Variants in HS3ST5 observed in about 807,000 individuals in gnomAD.
HS3ST5 encodes heparan sulfate glucosamine 3-O-sulfotransferase 5.
Under a neutral mutation model 25.4 loss-of-function variants are expected in HS3ST5, and 10 were observed. The ratio of observed to expected loss-of-function variants is 0.39; its 90% CI spans 0.24 to 0.67. The LOEUF (loss-of-function observed/expected upper bound fraction) is 0.67, where lower values mean the gene tolerates loss of function less well. HS3ST5 is among the 30% of genes least tolerant of loss of function. The pLI, the probability that HS3ST5 is intolerant of heterozygous loss-of-function variation, is 0.44. For synonymous variants in HS3ST5, 170 were observed against 162.4 expected, an observed-to-expected ratio of 1.05 and a Z score of -0.36; for missense variants, 324 against 420.7, an observed-to-expected ratio of 0.77 and a Z score of 2.01.
At chr6:114,248,963 A>G (rs148908665) in intron 1 of HS3ST5, among the ~76,000 whole-genome samples, 1 of 152,306 alleles carries the variant, frequency 6.6e-6, no homozygotes, top group African/African-American at 2.4e-5. Context: ...TATACCAACT[A>G]TCTATCCCTA....
At chr6:114,195,439 T>C (rs1780690008) in intron 2 of HS3ST5, among the ~76,000 whole-genome samples, 2 of 151,000 alleles carry the variant, frequency 1.3e-5, no homozygotes, top group Admixed American at 1.3e-4. Flanking sequence ...CAATAAAGAG[T>C]GGTGAGGTCA....
chr6:114,309,665 G>A (rs1390140083), intron 1 of HS3ST5, among the ~76,000 whole-genome samples: 4 of 152,134 alleles, frequency 2.6e-5, no homozygotes, highest in Admixed American at 1.3e-4. Flanking sequence ...CCCAGAAGGC[G>A]GAGGTTGCAG....
chr6:114,180,284 A>T (rs1164570438), intron 2 of HS3ST5, among the ~76,000 whole-genome samples: 1 of 152,142 alleles, frequency 6.6e-6, no homozygotes, highest in Non-Finnish European at 1.5e-5. Context: ...ATATTGCTTC[A>T]ACACTCCTAT....
chr6:114,334,522 A>G (rs1355935243), intron 1 of HS3ST5, among the ~76,000 whole-genome samples: 1 of 152,130 alleles, frequency 6.6e-6, no homozygotes, highest in East Asian at 1.9e-4. Context: ...CACCACATAA[A>G]CAACAGTGGT....
chr6:114,067,233 T>G (rs1463917045), intron 3 of HS3ST5, among the ~76,000 whole-genome samples: 1 of 152,208 alleles, frequency 6.6e-6, no homozygotes, highest in African/African-American at 2.4e-5. Flanking sequence ...TGGGTAGGAA[T>G]GGGTCATGTC....
chr6:114,060,234 G>A (rs1014494594), intron 4 of HS3ST5, among the ~76,000 whole-genome samples: 3 of 151,956 alleles, frequency 2.0e-5, no homozygotes, highest in South Asian at 4.2e-4. Context: ...GGCTGGTCTT[G>A]AACTCCTGAT....
At chr6:114,128,851 C>G (rs892762167) in intron 3 of HS3ST5, among the ~76,000 whole-genome samples, 1 of 151,180 alleles carries the variant, frequency 6.6e-6, no homozygotes, top group Admixed American at 6.6e-5. Context: ...CTCTTTGAAC[C>G]CTTAGTTGTT....
intron 2 of HS3ST5, among the ~76,000 whole-genome samples, chr6:114,187,067 C>T (rs943801263): frequency 6.6e-6 from 1 of 152,142 alleles, no homozygotes; most frequent in African/African-American, 2.4e-5. Flanking sequence ...GATCACTGCT[C>T]ATTGATAATA....
intron 3 of HS3ST5, among the ~76,000 whole-genome samples, chr6:114,096,936 G>A (rs976914174): frequency 6.6e-6 from 1 of 151,990 alleles, no homozygotes; most frequent in Non-Finnish European, 1.5e-5. Flanking sequence ...TGTTAAAAAT[G>A]TATTTATGGT....
At chr6:114,274,652 G>T (rs1425801955) in intron 1 of HS3ST5, among the ~76,000 whole-genome samples, 1 of 152,058 alleles carries the variant, frequency 6.6e-6, no homozygotes, top group Admixed American at 6.6e-5. Context: ...GGAAAGACAA[G>T]TGGCAGTTAA....
chr6:114,141,902 G>A (rs1464366894), intron 3 of HS3ST5, among the ~76,000 whole-genome samples: 5 of 104,308 alleles, frequency 4.8e-5, no homozygotes, highest in Non-Finnish European at 6.5e-5. Context: ...GTGTGTGTGT[G>A]TGTATTTTGC....
chr6:114,227,619 T>G (rs976043084), intron 2 of HS3ST5, among the ~76,000 whole-genome samples: 3 of 152,074 alleles, frequency 2.0e-5, no homozygotes, highest in African/African-American at 7.2e-5. Flanking sequence ...ACATGATTTA[T>G]AAGTTCTTAT....
intron 1 of HS3ST5, among the ~76,000 whole-genome samples, chr6:114,299,165 G>A (rs1043317257): frequency 1.3e-5 from 2 of 152,108 alleles, no homozygotes; most frequent in African/African-American, 4.8e-5. Context: ...CCTCTAAAAT[G>A]GCCCCCTTGG....
At chr6:114,178,009 CT>C (rs1441187948) in intron 2 of HS3ST5, among the ~76,000 whole-genome samples, 82 of 152,244 alleles carry the variant, frequency 5.4e-4, no homozygotes, top group African/African-American at 1.9e-3. Flanking sequence ...ATTGTTTCTA[CT>C]GATTATTTAT....
chr6:114,126,448 T>A (rs1438316584), intron 3 of HS3ST5, among the ~76,000 whole-genome samples: 1 of 152,174 alleles, frequency 6.6e-6, no homozygotes, highest in Non-Finnish European at 1.5e-5. Flanking sequence ...TATACACATA[T>A]GCAGATTTGA....
chr6:114,079,739 G>A (rs965611497), intron 3 of HS3ST5, among the ~76,000 whole-genome samples: 4 of 152,080 alleles, frequency 2.6e-5, no homozygotes, highest in Non-Finnish European at 2.9e-5. Flanking sequence ...AATCACAATG[G>A]GAGCTATAGC....
At chr6:114,112,048 C>T (rs36013742) in intron 3 of HS3ST5, among the ~76,000 whole-genome samples, 38,239 of 152,058 alleles carry the variant, frequency 0.25, 4,924 homozygotes, top group African/African-American at 0.3. Flanking sequence ...AATTATCCCT[C>T]ATAAACACTG....
At chr6:114,325,720 A>T (rs1428256835) in intron 1 of HS3ST5, among the ~76,000 whole-genome samples, 5 of 152,172 alleles carry the variant, frequency 3.3e-5, no homozygotes, top group Admixed American at 6.5e-5. Context: ...GCAGGCATAC[A>T]TGATCCTGGC....
intron 3 of HS3ST5, chr6:114,084,833 C>CTTTT (rs372362974): frequency 7.2e-4 from 363 of 503,570 alleles, no homozygotes; most frequent in Non-Finnish European, 8.0e-4. Flanking sequence ...CTTTTCTTTT[C>CTTTT]TTTTTTTTTT....
Sources: allele counts gnomAD v4.1 joint callset (sites outside exome capture counted in the v4.1 genomes callset), GRCh38; gene constraint gnomAD v4.1.1; transcripts MANE v1.5; gene names NCBI Gene and HGNC (gene_info 2026-07-23, HGNC 2026-07-21).